EHD4: variants seen among roughly 807,000 people sequenced by gnomAD.
EHD4 encodes the protein EH domain-containing protein 4.
Under a neutral mutation model 51.0 loss-of-function variants are expected in EHD4, and 37 were observed. That is an observed-to-expected ratio of 0.73 (90% CI 0.56 to 0.95). The LOEUF (loss-of-function observed/expected upper bound fraction) is 0.95, where lower values mean the gene tolerates loss of function less well. EHD4 is among the 40% of genes least tolerant of loss of function. EHD4 has a pLI of 0.00. For synonymous variants in EHD4, 297 were observed against 317.3 expected, an observed-to-expected ratio of 0.94 and a Z score of 0.68; for missense variants, 632 against 733.1, an observed-to-expected ratio of 0.86 and a Z score of 1.59.
intron 1 of EHD4, 150 bp downstream of exon 1, chr15:41,972,109 G>A (rs1283758000): frequency 3.0e-6 from 2 of 677,756 alleles, no homozygotes; most frequent in Non-Finnish European, 3.8e-6. Flanking sequence ...GCCAGCCGGG[G>A]CGGGGCCGAG....
chr15:41,923,099 C>T (rs781320290), intron 3 of EHD4, among the ~76,000 whole-genome samples: 4 of 152,160 alleles, frequency 2.6e-5, no homozygotes, highest in Non-Finnish European at 4.4e-5. Context: ...GTCACATTGT[C>T]GTACAACCAC....
In EHD4 at chr15:41,901,125, G is replaced by A. The variant is rs137932427; in HGVS notation, c.1146C>T (p.Ile382=). 1.5e-5 allele frequency: 24 copies of A among 1,595,756 alleles called. No homozygotes were observed. Among genetic ancestry groups the A allele is most frequent in the South Asian group, 2.3e-5 (2 of 87,478 alleles). The change falls in exon 6 of 6, where the codon ATC becomes ATT. Residue 382 remains isoleucine (I), a synonymous_variant. Coordinates refer to ENST00000220325, the MANE Select transcript of EHD4 (RefSeq NM_139265.4). ...TGCTCAGCATGTTGTCCACTGCCTC[G>A]ATCAGCTTGGGCTTCAGCGAGTGGA... ...TKFHSLKPKL[I]EAVDNMLSNK... is the part of the protein sequence containing the mutation.
At chr15:41,935,419 A>T (rs1269417737) in intron 3 of EHD4, among the ~76,000 whole-genome samples, 1 of 152,202 alleles carries the variant, frequency 6.6e-6, no homozygotes, top group Non-Finnish European at 1.5e-5. Flanking sequence ...TGGGGTGCAC[A>T]GCAGACATTC....
intron 3 of EHD4, among the ~76,000 whole-genome samples, chr15:41,929,795 A>C (rs527807455): frequency 6.6e-6 from 1 of 152,180 alleles, no homozygotes; most frequent in African/African-American, 2.4e-5. Flanking sequence ...CCAAACAGTA[A>C]GCTTCTTTGA....
rs753192413 is a variant in EHD4, at chr15:41,896,737, C to T, written c.*3908G>A. On this transcript the variant is annotated 3_prime_UTR_variant, in exon 6 of 6. Transcript: ENST00000220325. ...GGAGAAAGGACTCCTGTGAAGCGGT[C>T]ACCTCCATGAGTCCCTCCTGTCCTG... The T allele has an allele frequency of 1.3e-5, 2 of 152,342 alleles. No individual in the cohort carries two copies. Among genetic ancestry groups the T allele is most frequent in the Non-Finnish European group, 2.9e-5 (2 of 68,158 alleles). The allele number at this position is 152,342 out of a possible 1,614,324, so 9.4% of individuals were successfully genotyped here. A position where few individuals can be genotyped will look rare whatever the true frequency, so the allele number is the denominator to read the frequency against.
At chr15:41,909,089 C>T (rs945612682) in intron 5 of EHD4, among the ~76,000 whole-genome samples, 5 of 152,240 alleles carry the variant, frequency 3.3e-5, no homozygotes, top group African/African-American at 1.2e-4. Flanking sequence ...ATATGCCGGT[C>T]AGGGCAGGAC....
chr15:41,940,204 C>T (rs1312246716), intron 3 of EHD4, among the ~76,000 whole-genome samples: 3 of 152,226 alleles, frequency 2.0e-5, no homozygotes, highest in Non-Finnish European at 4.4e-5. Context: ...CACCTTTCCT[C>T]CTTCCCAGGC....
At chr15:41,933,963 C>T (rs1566822239) in intron 3 of EHD4, among the ~76,000 whole-genome samples, 1 of 152,092 alleles carries the variant, frequency 6.6e-6, no homozygotes, top group Non-Finnish European at 1.5e-5. Flanking sequence ...GGACAGTCAC[C>T]TCTGCTTCCT....
intron 3 of EHD4, among the ~76,000 whole-genome samples, chr15:41,940,379 T>G (rs1056646097): frequency 6.6e-6 from 1 of 152,172 alleles, no homozygotes; most frequent in Admixed American, 6.5e-5. Flanking sequence ...CGAAGCTGGG[T>G]GTAGGTGTGA....
intron 5 of EHD4, among the ~76,000 whole-genome samples, chr15:41,906,973 G>T (rs894847145): frequency 3.3e-5 from 5 of 152,228 alleles, no homozygotes; most frequent in Non-Finnish European, 4.4e-5. Flanking sequence ...CTGCTCCTGA[G>T]ATCATGCTTT....
chr15:41,905,390 C>T (rs201816535), intron 5 of EHD4, among the ~76,000 whole-genome samples: 7 of 152,154 alleles, frequency 4.6e-5, no homozygotes, highest in South Asian at 2.1e-4. Flanking sequence ...ATCGAGGCTG[C>T]GTCAGGGCCT....
intron 1 of EHD4, among the ~76,000 whole-genome samples, chr15:41,968,231 C>G (rs1234709775): frequency 6.6e-6 from 1 of 152,116 alleles, no homozygotes; most frequent in African/African-American, 2.4e-5. Flanking sequence ...GCACATGCAC[C>G]CCTGCCCCTT....
rs1247352846 is a variant in EHD4, at chr15:41,899,214, G to C, written c.*1431C>G. 1 of 152,172 alleles carries C rather than the reference G, an allele frequency of 6.6e-6. No homozygotes were observed. The highest frequency in any genetic ancestry group is 1.5e-5 in the Non-Finnish European group (1 of 68,032). 9.4% of individuals were successfully genotyped at this position (152,172 alleles called of 1,614,324 possible). A position where few individuals can be genotyped will look rare whatever the true frequency, so the allele number is the denominator to read the frequency against. Reference sequence around the variant, plus strand: ...TAATGCAGAGAGGCCATGCAGGTATGCAATTTTCTGGAGATGAGGCAGGGA... The same window carrying C: ...TAATGCAGAGAGGCCATGCAGGTATCCAATTTTCTGGAGATGAGGCAGGGA... On this transcript the variant is annotated 3_prime_UTR_variant, in exon 6 of 6. Coordinates refer to ENST00000220325, the MANE Select transcript of EHD4 (RefSeq NM_139265.4).
intron 1 of EHD4, among the ~76,000 whole-genome samples, chr15:41,956,931 C>T (rs900766843): frequency 2.6e-5 from 4 of 152,202 alleles, no homozygotes; most frequent in African/African-American, 4.8e-5. Context: ...ATCATCAATG[C>T]TGGCAAGGGT....
chr15:41,905,120 G>GCTA (rs2067504062), intron 5 of EHD4, among the ~76,000 whole-genome samples: 1 of 152,226 alleles, frequency 6.6e-6, no homozygotes, highest in South Asian at 2.1e-4. Context: ...TACAGAGGAT[G>GCTA]TTAGACTTTA....
At position 41,953,940 on chromosome 15, in the gene EHD4, T is replaced by A; in HGVS notation, c.237A>T (p.Arg79Ser). The change falls in exon 2 of 6, where the codon AGA becomes AGT. Residue 79 changes from arginine to serine, a missense_variant and splice_region_variant. Transcript: ENST00000220325. Reference sequence around the variant, plus strand: ...CTGGGAAATCCTGCTCCAGTAGGTATCTGGGAGAGGGAAGAAGAAGAGAAA... The same window carrying A: ...CTGGGAAATCCTGCTCCAGTAGGTAACTGGGAGAGGGAAGAAGAAGAGAAA... ...QYSTGKTTFI[R>S]YLLEQDFPGM... is the part of the protein sequence containing the mutation. 6.2e-7 allele frequency: 1 copy of A among 1,611,346 alleles called. No homozygotes were observed. The highest frequency in any genetic ancestry group is 8.5e-7 in the Non-Finnish European group (1 of 1,179,400).
intron 2 of EHD4, among the ~76,000 whole-genome samples, chr15:41,947,208 G>A (rs760846131): frequency 6.6e-6 from 1 of 152,168 alleles, no homozygotes; most frequent in African/African-American, 2.4e-5. Flanking sequence ...GGCATATCAT[G>A]TGCAGGGCAA....
intron 5 of EHD4, among the ~76,000 whole-genome samples, chr15:41,903,661 G>C (rs1005748348): frequency 3.3e-5 from 5 of 152,104 alleles, no homozygotes; most frequent in Non-Finnish European, 7.3e-5. Flanking sequence ...GTTTCCAATA[G>C]AGAATCAAAA....
intron 2 of EHD4, among the ~76,000 whole-genome samples, chr15:41,950,025 T>A (rs191798585): frequency 6.6e-6 from 1 of 152,364 alleles, no homozygotes; most frequent in Non-Finnish European, 1.5e-5. Flanking sequence ...ACTGAGGAAT[T>A]CGTCGTGAGC....
Sources: allele counts gnomAD v4.1 joint callset (sites outside exome capture counted in the v4.1 genomes callset), GRCh38; gene constraint gnomAD v4.1.1; transcripts MANE v1.5; gene names NCBI Gene and HGNC (gene_info 2026-07-23, HGNC 2026-07-21).